BMP6: variants seen among roughly 807,000 people sequenced by gnomAD.
BMP6 encodes the protein VG-1-R.
Under a neutral mutation model 54.1 loss-of-function variants are expected in BMP6, and 17 were observed. The ratio of observed to expected loss-of-function variants is 0.31; its 90% CI spans 0.22 to 0.47. The LOEUF is 0.47. Among genes scored for constraint, BMP6 ranks in the 20% least tolerant of loss-of-function variants. The pLI is 1.00. For synonymous variants in BMP6, 328 were observed against 291.2 expected (o/e 1.13, Z -1.28); for missense variants, 720 against 690.4 (o/e 1.04, Z -0.48).
chr6:7,863,217 C>T (rs1197835007), intron 4 of BMP6, among the ~76,000 whole-genome samples: 1 of 152,150 alleles, frequency 6.6e-6, no homozygotes, highest in Admixed American at 6.5e-5. Context: ...CCAGGATGGT[C>T]TCGATCTCCT....
intron 1 of BMP6, among the ~76,000 whole-genome samples, chr6:7,793,257 T>C (rs188687857): frequency 6.6e-6 from 1 of 152,206 alleles, no homozygotes; most frequent in Admixed American, 6.5e-5. Flanking sequence ...TATTGTTAAC[T>C]AAAGAAGCCA....
chr6:7,800,808 ATTATAT>A (rs1448441241), intron 1 of BMP6, among the ~76,000 whole-genome samples: 2 of 148,278 alleles, frequency 1.3e-5, no homozygotes, highest in African/African-American at 2.5e-5. Context: ...ATTTAAGGAA[ATTATAT>A]TTAACCCACA....
At chr6:7,856,552 A>G (rs1051328304) in intron 2 of BMP6, among the ~76,000 whole-genome samples, 6 of 151,228 alleles carry the variant, frequency 4.0e-5, no homozygotes, top group Non-Finnish European at 8.8e-5. Flanking sequence ...GTATTTCATA[A>G]ATCTGCTTAC....
intron 1 of BMP6, among the ~76,000 whole-genome samples, chr6:7,758,032 A>T (rs1005625830): frequency 1.3e-5 from 2 of 152,250 alleles, no homozygotes; most frequent in African/African-American, 2.4e-5. Flanking sequence ...GCACTGCCCT[A>T]GAAGTGGCTC....
chr6:7,745,952 G>A (rs1237649595), intron 1 of BMP6, among the ~76,000 whole-genome samples: 2 of 151,082 alleles, frequency 1.3e-5, no homozygotes. Context: ...TAGGTGGCAA[G>A]AGCAAAACTG....
rs560273606 is a variant in BMP6, at chr6:7,778,580, T to C, written c.664+50961T>C. ...TTCCTAGACATTGTTTCTGTGGTGG[T>C]AAACTTTGGAGTTTCAAAAACCGAG... On this transcript the variant is annotated intron_variant, in intron 1 of 6. Transcript: ENST00000283147. 4.1e-3 allele frequency among the ~76,000 whole-genome samples: 620 copies of C among 152,336 alleles called. 5 individuals carry two copies. The highest frequency in any genetic ancestry group is 0.014 in the African/African-American group (583 of 41,554).
chr6:7,869,763 G>C (rs1342397008), intron 4 of BMP6, among the ~76,000 whole-genome samples: 1 of 152,202 alleles, frequency 6.6e-6, no homozygotes, highest in East Asian at 1.9e-4. Context: ...CTGATTGTCA[G>C]GTCCAAGGCC....
intron 1 of BMP6, among the ~76,000 whole-genome samples, chr6:7,842,728 C>A (rs1179614373): frequency 1.3e-5 from 2 of 152,210 alleles, no homozygotes; most frequent in African/African-American, 4.8e-5. Flanking sequence ...GAATGGCATA[C>A]CTCTCAGAAG....
chr6:7,726,473 G>A lies in BMP6; in HGVS notation c.-483G>A, dbSNP rs781742463. On this transcript the variant is annotated 5_prime_UTR_variant, in exon 1 of 7. Coordinates refer to ENST00000283147, the MANE Select transcript of BMP6 (RefSeq NM_001718.6). ...TGGTGGCCCTGCGATCTGGGGAGGG[G>A]CGTGCGCCACGGTGATGCCGGGCAT... Among the ~76,000 whole-genome samples, 1 of 152,218 alleles carries A rather than the reference G, an allele frequency of 6.6e-6. No individual in the cohort carries two copies. The highest frequency in any genetic ancestry group is 2.1e-4 in the South Asian group (1 of 4,836).
intron 1 of BMP6, among the ~76,000 whole-genome samples, chr6:7,745,917 G>A (rs780460909): frequency 1.3e-5 from 2 of 152,096 alleles, no homozygotes; most frequent in African/African-American, 2.4e-5. Context: ...GCAGTGGGCC[G>A]AGATTGCGTC....
chr6:7,779,042 TA>T (rs1221859287), intron 1 of BMP6, among the ~76,000 whole-genome samples: 4 of 152,214 alleles, frequency 2.6e-5, no homozygotes, highest in African/African-American at 4.8e-5. Context: ...AGTGTTGCAT[TA>T]GGTGTGCCAT....
At chr6:7,768,715 G>T (rs181814496) in intron 1 of BMP6, among the ~76,000 whole-genome samples, 43 of 152,286 alleles carry the variant, frequency 2.8e-4, no homozygotes, top group African/African-American at 1.0e-3. Context: ...GCACAGGGAC[G>T]CAAGGTGTTC....
In BMP6 at chr6:7,727,240, C is replaced by T. The variant is rs1761746066; in HGVS notation, c.285C>T (p.Pro95=). 1.9e-6 allele frequency: 3 copies of T among 1,606,518 alleles called. No homozygotes were observed. The highest frequency in any genetic ancestry group is 1.1e-5 in the South Asian group (1 of 90,536). ...SVLGLPHRPR[P]LHGLQQPQPP... ...TGGGGCTCCCGCACCGGCCCCGGCC[C>T]CTGCACGGCCTCCAACAGCCGCAGC... The change falls in exon 1 of 7, where the codon CCC becomes CCT. Residue 95 remains proline (P), a synonymous_variant. Transcript: ENST00000283147.
intron 1 of BMP6, among the ~76,000 whole-genome samples, chr6:7,809,111 C>T (rs1240059322): frequency 1.4e-5 from 2 of 143,920 alleles, no homozygotes; most frequent in Non-Finnish European, 3.0e-5. Context: ...ACCCCCCACC[C>T]CCCCCCAAAA....
intron 2 of BMP6, among the ~76,000 whole-genome samples, chr6:7,848,048 A>C (rs1759091742): frequency 6.6e-6 from 1 of 151,956 alleles, no homozygotes; most frequent in African/African-American, 2.4e-5. Context: ...GACTTAACTG[A>C]CTCCATCTTG....
chr6:7,878,415 C>T (rs1759655715), intron 4 of BMP6, among the ~76,000 whole-genome samples: 1 of 152,170 alleles, frequency 6.6e-6, no homozygotes, highest in Non-Finnish European at 1.5e-5. Flanking sequence ...GGCCCCTGTG[C>T]TGCACAGGGT....
chr6:7,802,933 C>T (rs975959116), intron 1 of BMP6, among the ~76,000 whole-genome samples: 7 of 152,306 alleles, frequency 4.6e-5, no homozygotes, highest in African/African-American at 1.7e-4. Context: ...AGAATGCCTG[C>T]TCCCTGCAGG....
intron 1 of BMP6, among the ~76,000 whole-genome samples, chr6:7,835,909 T>C (rs1345911589): frequency 6.6e-6 from 1 of 152,044 alleles, no homozygotes; most frequent in Non-Finnish European, 1.5e-5. Context: ...TGATCTCGGC[T>C]CCCTGCAACC....
intron 1 of BMP6, among the ~76,000 whole-genome samples, chr6:7,844,692 C>T (rs1759032014): frequency 1.3e-5 from 2 of 152,140 alleles, no homozygotes; most frequent in African/African-American, 4.8e-5. Flanking sequence ...ACACGTGAAC[C>T]AGCCTGAGGA....
Sources: gnomAD v4.1 joint callset for allele counts (sites outside exome capture counted in the v4.1 genomes callset) on GRCh38, gnomAD v4.1.1 for gene constraint, MANE v1.5 for transcripts, NCBI Gene and HGNC (gene_info 2026-07-23, HGNC 2026-07-21) for gene names.